PLXNA2: variants seen among roughly 807,000 people sequenced by gnomAD.
PLXNA2 encodes plexin A2.
Under a neutral mutation model 193.5 loss-of-function variants are expected in PLXNA2, and 91 were observed. The ratio of observed to expected loss-of-function variants is 0.47; its 90% CI spans 0.40 to 0.56. The LOEUF (loss-of-function observed/expected upper bound fraction) is 0.56. Ranked by LOEUF, PLXNA2 falls within the 20% of genes least tolerant of loss-of-function variation. The probability of loss-of-function intolerance (pLI) is 0.00; values close to 1 mark genes in which losing one functional copy is unlikely to be tolerated. For synonymous variants in PLXNA2, 997 were observed against 1,027.3 expected (o/e 0.97, Z 0.56); for missense variants, 1,995 against 2,503.2 (o/e 0.80, Z 4.33).
intron 3 of PLXNA2, among the ~76,000 whole-genome samples, chr1:208,183,572 A>G (rs1669908941): frequency 8.4e-6 from 1 of 119,324 alleles, no homozygotes; most frequent in Non-Finnish European, 1.6e-5. Flanking sequence ...TCCCTGCTGT[A>G]GACGAGAAGC....
At chr1:208,225,151 T>C (rs1476709250) in intron 1 of PLXNA2, among the ~76,000 whole-genome samples, 1 of 152,096 alleles carries the variant, frequency 6.6e-6, no homozygotes, top group Non-Finnish European at 1.5e-5. Context: ...GGCAGGGTAA[T>C]GGGGCACAAG....
chr1:208,205,339 A>T (rs1345937736), intron 3 of PLXNA2, among the ~76,000 whole-genome samples: 1 of 152,194 alleles, frequency 6.6e-6, no homozygotes, highest in African/African-American at 2.4e-5. Context: ...GGATGCTGTC[A>T]TGAGGAACTG....
intron 3 of PLXNA2, among the ~76,000 whole-genome samples, chr1:208,199,022 A>T (rs899735979): frequency 2.0e-5 from 3 of 152,238 alleles, no homozygotes; most frequent in South Asian, 2.1e-4. Flanking sequence ...AGCATATAGT[A>T]AGTGCTGAAT....
intron 1 of PLXNA2, 115 bp from the exon 2 acceptor site, chr1:208,218,117 C>T (rs926128006): frequency 1.2e-6 from 1 of 854,046 alleles, no homozygotes; most frequent in African/African-American, 1.7e-5. Context: ...CCTCCTTCTG[C>T]ATTTTGGTTT....
chr1:208,038,824 C>T lies in PLXNA2; in HGVS notation c.4660+1G>A. 2 of 1,613,320 alleles carry T rather than the reference C, an allele frequency of 1.2e-6. No homozygotes were observed. Among genetic ancestry groups the T allele is most frequent in the Non-Finnish European group, 1.7e-6 (2 of 1,179,510 alleles). On this transcript the variant is annotated splice_donor_variant, in intron 25 of 31. Transcript: ENST00000367033. LOFTEE classifies it high-confidence loss of function. This position sits in a 1 kb window ranked among gnomAD's most constrained non-coding sequence, Gnocchi z 4.1. ...TCACACTCTGAGTCCAGGTTTCCTA[C>T]CCAAGTCCATGTCCACTGCCCTCGG...
chr1:208,094,013 C>T (rs920548930), intron 8 of PLXNA2, among the ~76,000 whole-genome samples: 1 of 152,158 alleles, frequency 6.6e-6, no homozygotes, highest in Non-Finnish European at 1.5e-5. Context: ...GCTCACAGGC[C>T]ATAGTATGTT....
At position 208,098,950 on chromosome 1, in the gene PLXNA2, A is replaced by G; in HGVS notation, c.1627T>C (p.Cys543Arg). 1.2e-6 allele frequency: 2 copies of G among 1,611,148 alleles called. No individual in the cohort carries two copies. Among genetic ancestry groups the G allele is most frequent in the Non-Finnish European group, 8.5e-7 (1 of 1,179,154 alleles). ...LHNMCSRRDK[C>R]QQAWEPNRFA... Reference sequence around the variant, plus strand: ...CGATTAGGTTCCCAGGCCTGTTGGCATTTGTCCCTGCGGGAGCACCTGCCA... The same window carrying G: ...CGATTAGGTTCCCAGGCCTGTTGGCGTTTGTCCCTGCGGGAGCACCTGCCA... Residue 543 changes from cysteine (C) to arginine (R), a missense_variant, in exon 6 of 32, where the codon TGC becomes CGC. Around this residue, in one of 3 missense-constraint regions of PLXNA2, gnomAD observed 702 missense variants for 812.9 expected, o/e 0.86. Transcript: ENST00000367033.
chr1:208,175,698 A>G (rs1224583667), intron 3 of PLXNA2, among the ~76,000 whole-genome samples: 2 of 152,182 alleles, frequency 1.3e-5, no homozygotes, highest in Non-Finnish European at 2.9e-5. Flanking sequence ...ACTGCTCCCC[A>G]GGGGAATGGG....
intron 9 of PLXNA2, among the ~76,000 whole-genome samples, chr1:208,090,890 G>T (rs571389590): frequency 1.3e-5 from 2 of 152,292 alleles, no homozygotes; most frequent in East Asian, 3.9e-4. Context: ...TGCTGTTCCT[G>T]GCTAGGTCTG....
At chr1:208,171,821 A>G (rs750581282) in intron 3 of PLXNA2, among the ~76,000 whole-genome samples, 5 of 152,142 alleles carry the variant, frequency 3.3e-5, no homozygotes, top group Non-Finnish European at 5.9e-5. Flanking sequence ...GCATCACTGC[A>G]TGCCAGCCTG....
chr1:208,196,761 C>A (rs1670375003), intron 3 of PLXNA2, among the ~76,000 whole-genome samples: 1 of 152,274 alleles, frequency 6.6e-6, no homozygotes, highest in East Asian at 1.9e-4. Context: ...TCCATTGCAC[C>A]ATTTGCTTTG....
chr1:208,159,632 G>C (rs1022091930), intron 3 of PLXNA2, among the ~76,000 whole-genome samples: 4 of 152,250 alleles, frequency 2.6e-5, no homozygotes, highest in African/African-American at 9.6e-5. Flanking sequence ...AGATCTGAAA[G>C]TCTGGTGCTA....
In PLXNA2 at chr1:208,236,837, C is replaced by G. The variant is rs1245942185; in HGVS notation, c.-81+6806G>C. 1.3e-5 allele frequency among the ~76,000 whole-genome samples: 2 copies of G among 152,198 alleles called. No individual in the cohort carries two copies. The highest frequency in any genetic ancestry group is 1.3e-4 in the Admixed American group (2 of 15,288). ...TTCGGAAATACAAGACTACACATACCCACATCATTCTTGAAGATATAGAAT... is the reference window on the plus strand; with the variant it reads ...TTCGGAAATACAAGACTACACATACGCACATCATTCTTGAAGATATAGAAT... On this transcript the variant is annotated intron_variant, in intron 1 of 31. Transcript: ENST00000367033. The surrounding 1 kb of genome is among the most constrained non-coding windows in gnomAD (Gnocchi z 4.4).
intron 3 of PLXNA2, among the ~76,000 whole-genome samples, chr1:208,144,738 G>A (rs780621730): frequency 2.0e-5 from 3 of 152,102 alleles, no homozygotes; most frequent in African/African-American, 4.8e-5. Context: ...CCTATGCTCC[G>A]CTCTTGCCCT....
At chr1:208,223,376 TG>T (rs1671408854) in intron 1 of PLXNA2, among the ~76,000 whole-genome samples, 1 of 152,080 alleles carries the variant, frequency 6.6e-6, no homozygotes, top group Admixed American at 6.5e-5. Flanking sequence ...CCATTGTAGG[TG>T]GAAGGGTCCT....
At chr1:208,101,314 G>A (rs981587437) in intron 5 of PLXNA2, among the ~76,000 whole-genome samples, 2 of 152,322 alleles carry the variant, frequency 1.3e-5, no homozygotes, top group African/African-American at 4.8e-5. Context: ...GGGGACCCGG[G>A]AGCTGCAGCT....
At chr1:208,122,638 A>G (rs17259339) in intron 4 of PLXNA2, among the ~76,000 whole-genome samples, 5,452 of 152,224 alleles carry the variant, frequency 0.036, 137 homozygotes, top group Non-Finnish European at 0.055. Context: ...AGATGCACCC[A>G]TTGGATGGTG....
At chr1:208,195,660 G>A (rs796408526) in intron 3 of PLXNA2, among the ~76,000 whole-genome samples, 1 of 151,574 alleles carries the variant, frequency 6.6e-6, no homozygotes, top group African/African-American at 2.4e-5. Context: ...TTGGGGGGGG[G>A]GGTTAGGGGT....
intron 2 of PLXNA2, among the ~76,000 whole-genome samples, chr1:208,215,377 G>T (rs1488655796): frequency 6.6e-6 from 1 of 152,148 alleles, no homozygotes; most frequent in East Asian, 1.9e-4. Context: ...ACTTGTAAAT[G>T]AATAGAGGGA....
Sources: allele counts gnomAD v4.1 joint callset (sites outside exome capture counted in the v4.1 genomes callset), GRCh38; gene constraint gnomAD v4.1.1; regional missense constraint gnomAD v4.1.1; non-coding constraint Gnocchi (gnomAD v3.1); transcripts MANE v1.5; gene names NCBI Gene and HGNC (gene_info 2026-07-23, HGNC 2026-07-21).